Variants in COL18A1 observed in about 807,000 individuals in gnomAD.
The protein encoded by COL18A1 is collagen type XVIII alpha 1 chain.
COL18A1 carries 133 observed loss-of-function variants against 168.0 expected under a neutral mutation model. That is an observed-to-expected ratio of 0.79 (90% confidence interval 0.69 to 0.91). The LOEUF (loss-of-function observed/expected upper bound fraction) is 0.91, where lower values mean the gene tolerates loss of function less well. Among genes scored for constraint, COL18A1 ranks in the 40% least tolerant of loss-of-function variants. The pLI, the probability that COL18A1 is intolerant of heterozygous loss-of-function variation, is 0.00. For missense variants in COL18A1, 2,126 were observed against 1,925.4 expected (o/e 1.10, Z -1.95); for synonymous variants, 949 against 809.0 (o/e 1.17, Z -2.94).
chr21:45,504,824 C>T (rs568398116), intron 34 of COL18A1, among the ~76,000 whole-genome samples: 4 of 152,218 alleles, frequency 2.6e-5, no homozygotes, highest in South Asian at 2.1e-4. Context: ...GCTCCTGGGC[C>T]GGGTCAGGTC....
At chr21:45,453,188 C>T (rs994930732) in intron 2 of COL18A1, among the ~76,000 whole-genome samples, 1 of 150,888 alleles carries the variant, frequency 6.6e-6, no homozygotes, top group Admixed American at 6.6e-5. Context: ...ATTGTGTATG[C>T]ATGTATTCAT....
chr21:45,503,566 CAT>C (rs1177508987), intron 32 of COL18A1, among the ~76,000 whole-genome samples: 5 of 143,318 alleles, frequency 3.5e-5, no homozygotes, highest in Non-Finnish European at 7.5e-5. Context: ...TATTCTCACT[CAT>C]AGGTGGGAAC....
rs1295841310 is a variant in COL18A1 at position 45,486,944 on chromosome 21, C to T, written c.1785C>T (p.Gly595=). ...CCCCCGGACCTGCTGGACCACCAGG[C>T]CCCCCTGGGCCCCCTGGGCCCCCAG... is the stretch of plus-strand genomic sequence containing the variant. ...AGAPGPAGPP[G]PPGPPGPPGP... is the part of the protein sequence containing the mutation. Residue 595 remains glycine, a synonymous_variant, in exon 16 of 42, where the codon GGC becomes GGT. Coordinates refer to ENST00000651438, the MANE Select transcript of COL18A1 (RefSeq NM_001379500.1). The T allele has an allele frequency of 1.3e-6, 2 of 1,486,586 alleles. No individual in the cohort carries two copies. Among genetic ancestry groups the T allele is most frequent in the Middle Eastern group, 2.5e-4 (1 of 4,074 alleles). The allele number at this position is 1,486,586 out of a possible 1,614,324, so 92.1% of individuals were successfully genotyped here. A position where few individuals can be genotyped will look rare whatever the true frequency, so the allele number is the denominator to read the frequency against.
chr21:45,452,304 G>A (rs1342495011), intron 2 of COL18A1, among the ~76,000 whole-genome samples: 1 of 152,222 alleles, frequency 6.6e-6, no homozygotes, highest in Non-Finnish European at 1.5e-5. Context: ...GCCTGTGTGC[G>A]TGTGTGTGTG....
At position 45,468,454 on chromosome 21, in the gene COL18A1, G is replaced by C. The variant is rs1449594152; in HGVS notation, c.319G>C (p.Val107Leu). 2 of 1,613,984 alleles carry C rather than the reference G, an allele frequency of 1.2e-6. No homozygotes were observed. Among genetic ancestry groups the C allele is most frequent in the Non-Finnish European group, 1.7e-6 (2 of 1,180,048 alleles). The stretch of plus-strand genomic sequence containing the variant: ...CCGGCCAGCCACAGAGGGCCCAGGG[G>C]TGCTGTTCGCCATCACGGACTCGGC... ...HIRPATEGPG[V>L]LFAITDSAQA... The change falls in exon 3 of 42, where the codon GTG (valine) becomes CTG (leucine). Residue 107 changes from valine to leucine, a missense_variant. By Grantham distance (32) the Val-to-Leu change is conservative (BLOSUM62 1). Coordinates refer to ENST00000651438, the MANE Select transcript of COL18A1 (RefSeq NM_001379500.1).
chr21:45,430,437 G>A (rs17338076), intron 2 of COL18A1, among the ~76,000 whole-genome samples: 12,915 of 152,126 alleles, frequency 0.085, 663 homozygotes, highest in Non-Finnish European at 0.13. Context: ...CCTGCCACCC[G>A]GGTCCTCTGC....
intron 2 of COL18A1, chr21:45,410,213 G>T (rs2033247818): frequency 6.6e-6 from 1 of 152,276 alleles, no homozygotes; most frequent in South Asian, 2.1e-4. Context: ...GGCACTTTCT[G>T]GCATTTCATG....
intron 40 of COL18A1, 111 bp downstream of exon 40, chr21:45,510,372 A>C: frequency 8.0e-7 from 1 of 1,250,616 alleles, no homozygotes; most frequent in East Asian, 2.5e-5. Flanking sequence ...ACCATGTTAC[A>C]GACACTGGCG....
intron 29 of COL18A1, chr21:45,495,649 C>T: frequency 1.8e-6 from 1 of 566,466 alleles, no homozygotes; most frequent in Non-Finnish European, 3.3e-6. Flanking sequence ...TATGGCCGTA[C>T]TCATACATGT....
At chr21:45,482,268 C>A in intron 14 of COL18A1, 2 of 635,318 alleles carry the variant, frequency 3.1e-6, no homozygotes, top group East Asian at 2.7e-5. Flanking sequence ...GGGCACCCTG[C>A]GAGATCTGAG....
chr21:45,470,170 C>T (rs996037046), intron 3 of COL18A1, among the ~76,000 whole-genome samples: 12 of 152,332 alleles, frequency 7.9e-5, no homozygotes, highest in Admixed American at 3.9e-4. Flanking sequence ...AGCGAAGTCC[C>T]GTGTGTAGGA....
chr21:45,410,648 T>G (rs1246834331), intron 2 of COL18A1, among the ~76,000 whole-genome samples: 1 of 152,268 alleles, frequency 6.6e-6, no homozygotes, highest in Non-Finnish European at 1.5e-5. Flanking sequence ...TTGCCGCAGT[T>G]AGGCCTCTCT....
chr21:45,468,831 T>A (rs2035310969), intron 3 of COL18A1, 45 bp downstream of exon 3: 2 of 594,546 alleles, frequency 3.4e-6, no homozygotes, highest in Non-Finnish European at 5.8e-6. Context: ...GCAGCTGGGA[T>A]GGGGTGGGGT....
At position 45,490,512 on chromosome 21, in the gene COL18A1, G is replaced by A. The variant is rs151172738; in HGVS notation, c.2031+166G>A. 0.022 allele frequency among the ~76,000 whole-genome samples: 1,599 copies of A among 73,134 alleles called. 23 individuals are homozygous for A. Among genetic ancestry groups the A allele is most frequent in the African/African-American group, 0.064 (1,108 of 17,304 alleles). 48.0% of individuals were successfully genotyped at this position (73,134 alleles called of 152,430 possible). ...TGCCCTCCCGGGTCTCTGGGCCTCC[G>A]TGTGCCCACTCCCGGGTCTCTGGGC... On this transcript the variant is annotated intron_variant, in intron 20 of 41. Transcript: ENST00000651438.
At chr21:45,503,069 C>T (rs1347191461) in intron 32 of COL18A1, 1 of 152,096 alleles carries the variant, frequency 6.6e-6, no homozygotes, top group Non-Finnish European at 1.5e-5. Flanking sequence ...GATTTATAGT[C>T]CTTTGTGTAT....
rs1187252661 is a variant in COL18A1 at position 45,510,169 on chromosome 21, ACCTTCCGCG to A, written c.3608_3616del (p.Arg1203_Phe1205del). The A allele has an allele frequency of 6.3e-7, 1 of 1,595,414 alleles. No homozygotes were observed. Among genetic ancestry groups the A allele is most frequent in the African/African-American group, 1.3e-5 (1 of 74,460 alleles). On this transcript the variant is annotated inframe_deletion, in exon 40 of 42. Transcript: ENST00000651438. ...GGCGCGGGCCGTGGGGCTGGCGGGC[ACCTTCCGCG>A]CCTTCCTGTCCTCGCGCCTGCAGGA...
intron 7 of COL18A1, 52 bp from the exon 8 acceptor site, chr21:45,477,698 G>T: frequency 6.8e-7 from 1 of 1,465,830 alleles, no homozygotes; most frequent in South Asian, 1.3e-5. Flanking sequence ...CACGTGGGCA[G>T]GGTGTGTGGG....
chr21:45,433,497 C>G (rs1310965796), intron 2 of COL18A1, among the ~76,000 whole-genome samples: 1 of 152,158 alleles, frequency 6.6e-6, no homozygotes, highest in Non-Finnish European at 1.5e-5. Context: ...CTTTGCAGGT[C>G]TCGGGTGGAT....
chr21:45,468,284 A>T lies in COL18A1; in HGVS notation c.149A>T (p.Asp50Val). ...GTGGGGCTGCTGCAGCTCCTTGGGG[A>T]CCCCCCGCCCCAGCAGGTCACCCAG... ...EEVGLLQLLG[D>V]PPPQQVTQTD... is the part of the protein sequence containing the mutation. The change falls in exon 3 of 42, where the codon GAC becomes GTC. Residue 50 changes from aspartate (D) to valine (V), a missense_variant. Asp to Val is a radical substitution (Grantham distance 152, BLOSUM62 -3). Coordinates refer to ENST00000651438, the MANE Select transcript of COL18A1 (RefSeq NM_001379500.1). 6.2e-7 allele frequency: 1 copy of T among 1,612,626 alleles called. No homozygotes were observed. The highest frequency in any genetic ancestry group is 8.5e-7 in the Non-Finnish European group (1 of 1,179,924).
Sources: allele counts gnomAD v4.1 joint callset (sites outside exome capture counted in the v4.1 genomes callset), GRCh38; gene constraint gnomAD v4.1.1; transcripts MANE v1.5; gene names NCBI Gene and HGNC (gene_info 2026-07-23, HGNC 2026-07-21).